Variants in SLC5A4 observed in about 807,000 individuals in gnomAD.
SLC5A4 encodes the protein probable glucose sensor protein SLC5A4.
In SLC5A4, 55 loss-of-function variants were observed where a neutral mutation model predicts 70.3. The observed-to-expected ratio is 0.78, with a 90% CI of 0.63 to 0.98. The LOEUF (loss-of-function observed/expected upper bound fraction) is 0.98. Ranked by LOEUF, SLC5A4 falls within the 50% of genes least tolerant of loss-of-function variation. SLC5A4 has a pLI of 0.00. For missense variants in SLC5A4, 735 were observed against 839.2 expected (o/e 0.88, Z 1.53); for synonymous variants, 268 against 305.7 (o/e 0.88, Z 1.29).
chr22:32,287,643 T>G, the SLC5A4 span, among the ~76,000 whole-genome samples: 1 of 150,362 alleles, frequency 6.7e-6, no homozygotes, highest in Non-Finnish European at 1.5e-5. Flanking sequence ...TGTTTCTTTC[T>G]TTTTTCTTTT....
intron 5 of SLC5A4, among the ~76,000 whole-genome samples, chr22:32,240,449 A>ATG (rs754081875): frequency 1.6e-5 from 2 of 128,546 alleles, no homozygotes; most frequent in African/African-American, 3.1e-5. Context: ...ATATATATAT[A>ATG]TGTGTGTGTG....
At chr22:32,236,547 T>G (rs1015960333) in intron 7 of SLC5A4, among the ~76,000 whole-genome samples, 1 of 152,176 alleles carries the variant, frequency 6.6e-6, no homozygotes, top group Non-Finnish European at 1.5e-5. Flanking sequence ...GTTCTCAAAT[T>G]TTTTCCTACT....
chr22:32,258,744 T>C (rs1265504227), upstream of SLC5A4, among the ~76,000 whole-genome samples: 4 of 152,222 alleles, frequency 2.6e-5, no homozygotes, highest in East Asian at 1.9e-4. Flanking sequence ...TCCAAAAAAA[T>C]TGAAATTGGC....
chr22:32,274,698 T>G, the SLC5A4 span, among the ~76,000 whole-genome samples: 2 of 152,116 alleles, frequency 1.3e-5, no homozygotes, highest in African/African-American at 4.8e-5. Context: ...GATAAAAAGC[T>G]CCAAAATAGA....
chr22:32,282,629 G>C, the SLC5A4 span, among the ~76,000 whole-genome samples: 1 of 152,020 alleles, frequency 6.6e-6, no homozygotes, highest in Admixed American at 6.6e-5. Flanking sequence ...CTGGACCTCT[G>C]TCCTGACTCC....
At chr22:32,294,634 A>G in the SLC5A4 span, among the ~76,000 whole-genome samples, 1 of 149,526 alleles carries the variant, frequency 6.7e-6, no homozygotes, top group African/African-American at 2.5e-5. Context: ...GCATCATTTT[A>G]AGAGTATTAT....
At chr22:32,229,132 T>C in intron 11 of SLC5A4, 62 bp downstream of exon 11, 1 of 1,473,182 alleles carries the variant, frequency 6.8e-7, no homozygotes, top group Non-Finnish European at 9.3e-7. Context: ...AAGGGAACTC[T>C]AGTTCACTTC....
At chr22:32,314,270 C>A in the SLC5A4 span, among the ~76,000 whole-genome samples, 1 of 152,152 alleles carries the variant, frequency 6.6e-6, no homozygotes, top group Non-Finnish European at 1.5e-5. Flanking sequence ...CAGCATACCA[C>A]CTATTGTACT....
chr22:32,347,096 A>G, the SLC5A4 span, among the ~76,000 whole-genome samples: 1 of 152,366 alleles, frequency 6.6e-6, no homozygotes, highest in Admixed American at 6.5e-5. Context: ...CAAAAGACAC[A>G]TGAAAAAATG....
chr22:32,344,616 G>A, the SLC5A4 span, among the ~76,000 whole-genome samples: 5 of 152,150 alleles, frequency 3.3e-5, no homozygotes, highest in South Asian at 1.0e-3. Context: ...TTTTTGTAGC[G>A]ATTGGCAGAT....
the SLC5A4 span, among the ~76,000 whole-genome samples, chr22:32,288,276 C>G: frequency 7.9e-5 from 12 of 152,186 alleles, no homozygotes; most frequent in African/African-American, 2.9e-4. Flanking sequence ...AGGAAGATTA[C>G]ACTTCCTACT....
the SLC5A4 span, among the ~76,000 whole-genome samples, chr22:32,329,847 TG>T: frequency 1.8e-5 from 1 of 56,112 alleles, no homozygotes; most frequent in Non-Finnish European, 3.1e-5. Context: ...GGTGTGTGTG[TG>T]TTGGGGGCTC....
the SLC5A4 span, among the ~76,000 whole-genome samples, chr22:32,262,321 G>C: frequency 6.6e-6 from 1 of 151,998 alleles, no homozygotes; most frequent in Non-Finnish European, 1.5e-5. Context: ...GACTACTTTG[G>C]CCCCACCCCA....
At chr22:32,288,508 T>C in the SLC5A4 span, among the ~76,000 whole-genome samples, 3 of 152,190 alleles carry the variant, frequency 2.0e-5, no homozygotes, top group Non-Finnish European at 4.4e-5. Context: ...AGATTTTGCA[T>C]GAATGAGATA....
At chr22:32,342,772 A>G in the SLC5A4 span, among the ~76,000 whole-genome samples, 1 of 152,242 alleles carries the variant, frequency 6.6e-6, no homozygotes, top group Non-Finnish European at 1.5e-5. Context: ...AACATTCTGG[A>G]GAGGAAAACA....
chr22:32,306,262 G>A, the SLC5A4 span, among the ~76,000 whole-genome samples: 4 of 152,148 alleles, frequency 2.6e-5, no homozygotes, highest in South Asian at 2.1e-4. Flanking sequence ...TTAGGAGATC[G>A]AGACCATCCT....
At chr22:32,311,924 C>T in the SLC5A4 span, among the ~76,000 whole-genome samples, 1 of 152,034 alleles carries the variant, frequency 6.6e-6, no homozygotes, top group Non-Finnish European at 1.5e-5. Flanking sequence ...GTTCCTGCAC[C>T]CCTGAGGTCA....
chr22:32,221,934 A>G (rs948897899), intron 13 of SLC5A4, among the ~76,000 whole-genome samples: 1 of 152,134 alleles, frequency 6.6e-6, no homozygotes, highest in African/African-American at 2.4e-5. Flanking sequence ...TTGTATTTTG[A>G]GTAGAGACAG....
At chr22:32,273,454 A>G in the SLC5A4 span, 2 of 162,474 alleles carry the variant, frequency 1.2e-5, no homozygotes, top group Non-Finnish European at 2.7e-5. Flanking sequence ...AGAAATGCTC[A>G]TGAGAAAACA....
Sources: gnomAD v4.1 joint callset for allele counts (sites outside exome capture counted in the v4.1 genomes callset) on GRCh38, gnomAD v4.1.1 for gene constraint, MANE v1.5 for transcripts, NCBI Gene and HGNC (gene_info 2026-07-23, HGNC 2026-07-21) for gene names.